MFSD6: variants seen among roughly 807,000 people sequenced by gnomAD.
The protein encoded by MFSD6 is major facilitator superfamily domain containing 6.
A neutral mutation model predicts 56.3 loss-of-function variants in MFSD6; 26 were observed. The observed-to-expected ratio is 0.46, with a 90% CI of 0.34 to 0.64. The LOEUF (loss-of-function observed/expected upper bound fraction) is 0.64, where lower values mean the gene tolerates loss of function less well. Among genes scored for constraint, MFSD6 ranks in the 30% least tolerant of loss-of-function variants. The probability of loss-of-function intolerance (pLI) is 0.01; values close to 1 mark genes in which losing one functional copy is unlikely to be tolerated. For missense variants in MFSD6, 750 were observed against 986.2 expected, an observed-to-expected ratio of 0.76 and a Z score of 3.21; for synonymous variants, 331 against 366.9, an observed-to-expected ratio of 0.90 and a Z score of 1.12.
chr2:190,470,586 C>T lies in MFSD6; in HGVS notation c.1630+731C>T, dbSNP rs147709580. ...GGACAAGATCGCTGGAGTTGAGTGA[C>T]GGTCCAGGCTACTAAATCATTAATT... is the stretch of plus-strand genomic sequence containing the variant. On this transcript the variant is annotated intron_variant, in intron 4 of 7. Coordinates refer to ENST00000392328, the MANE Select transcript of MFSD6 (RefSeq NM_017694.4). Among the ~76,000 whole-genome samples the T allele has an allele frequency of 1.3e-3, 199 of 152,312 alleles. 1 individual carries two copies. Among genetic ancestry groups the T allele is most frequent in the African/African-American group, 4.4e-3 (182 of 41,578 alleles).
At position 190,436,354 on chromosome 2, in the gene MFSD6, A is replaced by AT; in HGVS notation, c.327dup (p.Arg110SerfsTer5). 6.2e-7 allele frequency: 1 copy of AT among 1,614,210 alleles called. No homozygotes were observed. Among genetic ancestry groups the AT allele is most frequent in the Non-Finnish European group, 8.5e-7 (1 of 1,180,034 alleles). ...AAGCCAGAGTGGACTACTAGTAGGT[A>AT]TTCGTTACTTCATTGAATTCTGCAG... On this transcript the variant is annotated frameshift_variant, in exon 3 of 8. Coordinates refer to ENST00000392328, the MANE Select transcript of MFSD6 (RefSeq NM_017694.4). LOFTEE classifies it high-confidence loss of function. The surrounding 1 kb of genome is among the most constrained non-coding windows in gnomAD (Gnocchi z 5.3).
rs1469813470 is a variant in MFSD6, at chr2:190,434,288, T to C, written c.-53-1689T>C. On this transcript the variant is annotated intron_variant, in intron 2 of 7. Transcript: ENST00000392328. The surrounding 1 kb of genome is among the most constrained non-coding windows in gnomAD (Gnocchi z 4.3). ...TCTGTTCATTGGAACAACATAATTC[T>C]TGATGCACACAAGACCTTTTGACAC... is the stretch of plus-strand genomic sequence containing the variant. 6.6e-6 allele frequency among the ~76,000 whole-genome samples: 1 copy of C among 152,168 alleles called. No homozygotes were observed. Among genetic ancestry groups the C allele is most frequent in the East Asian group, 1.9e-4 (1 of 5,202 alleles).
intron 1 of MFSD6, chr2:190,411,161 G>GTTT (rs374442207): frequency 1.3e-3 from 996 of 765,442 alleles, no homozygotes; most frequent in South Asian, 1.5e-3. Context: ...GTTGACAGTA[G>GTTT]TTTTTTTTTT....
In MFSD6 at chr2:190,424,030, A is replaced by G. The variant is rs1685712213; in HGVS notation, c.-54+8617A>G. 6.6e-6 allele frequency among the ~76,000 whole-genome samples: 1 copy of G among 152,202 alleles called. No homozygotes were observed. Among genetic ancestry groups the G allele is most frequent in the Non-Finnish European group, 1.5e-5 (1 of 68,034 alleles). The stretch of plus-strand genomic sequence containing the variant: ...TGGAGAATTCTTTACATATTCTAGA[A>G]ACTAATCCTTCGCTGGATTTGTGGT... On this transcript the variant is annotated intron_variant, in intron 2 of 7. Coordinates refer to ENST00000392328, the MANE Select transcript of MFSD6 (RefSeq NM_017694.4). The surrounding 1 kb of genome is among the most constrained non-coding windows in gnomAD (Gnocchi z 5.9).
In MFSD6 at chr2:190,435,796, G is replaced by T. The variant is rs13417947; in HGVS notation, c.-53-181G>T. 1.0e-4 allele frequency: 51 copies of T among 510,606 alleles called. No individual in the cohort carries two copies. In the Admixed American group the frequency reaches 1.8e-3, roughly 18 times the overall value. 31.6% of individuals were successfully genotyped at this position (510,606 alleles called of 1,614,324 possible). ...CAGTCAGTGGCCATAAAGAGTATTC[G>T]ATTTTTTTAAAAGCTATTTTTCCTT... is the stretch of plus-strand genomic sequence containing the variant. On this transcript the variant is annotated intron_variant, in intron 2 of 7. Transcript: ENST00000392328.
At chr2:190,450,483 T>C (rs1158286288) in intron 3 of MFSD6, among the ~76,000 whole-genome samples, 2 of 106,800 alleles carry the variant, frequency 1.9e-5, no homozygotes, top group African/African-American at 3.2e-5. Context: ...CTTTTTCTCT[T>C]TTTCCTTTTT....
rs62181024 is a variant in MFSD6 at position 190,465,571 on chromosome 2, G to T, written c.1533-4187G>T. Among the ~76,000 whole-genome samples, 35,306 of 151,988 alleles carry T rather than the reference G, an allele frequency of 0.23. 5,049 individuals are homozygous for T. The highest frequency in any genetic ancestry group is 0.34 in the South Asian group (1,628 of 4,814). On this transcript the variant is annotated intron_variant, in intron 3 of 7. Coordinates refer to ENST00000392328, the MANE Select transcript of MFSD6 (RefSeq NM_017694.4). The surrounding 1 kb of genome is among the most constrained non-coding windows in gnomAD (Gnocchi z 4.6). ...ATTCAGCATAAAAAAGAATTTGATT[G>T]TCTAGAAAATGATCCAGTAAAATAT...
Position 190,437,228 on chromosome 2 carries a change from A to C in MFSD6, c.1199A>C (p.Asp400Ala). 6.2e-7 allele frequency: 1 copy of C among 1,614,264 alleles called. No individual in the cohort carries two copies. The highest frequency in any genetic ancestry group is 2.2e-5 in the East Asian group (1 of 44,892). ...CGCTACAACCATTTCAAAAACGATG[A>C]TTCTAAAGGGAAAGAGGTGGAGATC... ...RFRYNHFKND[D>A]SKGKEVEIPQ... Residue 400 changes from aspartate (D) to alanine (A), a missense_variant, in exon 3 of 8, where the codon GAT (aspartate) becomes GCT (alanine). By Grantham distance (126) the Asp-to-Ala change is moderately radical. Around this residue, in one of 5 missense-constraint regions of MFSD6, gnomAD observed 376 missense variants for 437.9 expected, o/e 0.86. Transcript: ENST00000392328. This position sits in a 1 kb window ranked among gnomAD's most constrained non-coding sequence, Gnocchi z 5.9.
intron 3 of MFSD6, among the ~76,000 whole-genome samples, chr2:190,441,816 C>T (rs4129697): frequency 0.56 from 85,529 of 151,840 alleles, 24,706 homozygotes; most frequent in Admixed American, 0.65. Context: ...ACATTCTCTC[C>T]TCTCTTTATT....
Position 190,489,625 on chromosome 2 carries a change from G to A in MFSD6, c.1793-143G>A. ...ACCCAGCCCTGTGTTTTTCCATTAT[G>A]TGGAGCTAATACCCAACTACTTTTC... On this transcript the variant is annotated intron_variant, in intron 5 of 7. Transcript: ENST00000392328. This position sits in a 1 kb window ranked among gnomAD's most constrained non-coding sequence, Gnocchi z 6.6. 2.9e-6 allele frequency: 2 copies of A among 681,856 alleles called. No individual in the cohort carries two copies. Among genetic ancestry groups the A allele is most frequent in the Non-Finnish European group, 4.9e-6 (2 of 406,334 alleles). The allele number at this position is 681,856 out of a possible 1,614,324, so 42.2% of individuals were successfully genotyped here. A position where few individuals can be genotyped will look rare whatever the true frequency, so the allele number is the denominator to read the frequency against.
intron 4 of MFSD6, among the ~76,000 whole-genome samples, chr2:190,470,244 T>C (rs1462236817): frequency 2.6e-5 from 4 of 152,240 alleles, no homozygotes; most frequent in Non-Finnish European, 4.4e-5. Context: ...AAAAGATTGT[T>C]GTCATAATTA....
intron 2 of MFSD6, among the ~76,000 whole-genome samples, chr2:190,427,484 C>T (rs978820549): frequency 6.6e-6 from 1 of 152,214 alleles, no homozygotes; most frequent in African/African-American, 2.4e-5. Context: ...CAAGCAGGCA[C>T]TTGTTAGGGC....
Position 190,437,577 on chromosome 2 carries a change from C to CA in MFSD6, c.1532+16_1532+17insA, listed in dbSNP as rs752362114. 6.2e-7 allele frequency: 1 copy of CA among 1,601,080 alleles called. No homozygotes were observed. The highest frequency in any genetic ancestry group is 8.5e-7 in the Non-Finnish European group (1 of 1,171,406). ...GCCACATCAGGTAAGAACATGCTTA[C>CA]GATTGCTGCCCCTCAGCAATTGAAC... On this transcript the variant is annotated intron_variant, in intron 3 of 7. Coordinates refer to ENST00000392328, the MANE Select transcript of MFSD6 (RefSeq NM_017694.4). The surrounding 1 kb of genome is among the most constrained non-coding windows in gnomAD (Gnocchi z 5.9).
intron 4 of MFSD6, among the ~76,000 whole-genome samples, chr2:190,481,316 G>A (rs1688652702): frequency 6.6e-6 from 1 of 152,098 alleles, no homozygotes; most frequent in Non-Finnish European, 1.5e-5. Flanking sequence ...TTTTAAGTTT[G>A]CAAGCTAGAG....
chr2:190,489,792 T>C lies in MFSD6; in HGVS notation c.1817T>C (p.Ile606Thr), dbSNP rs748342954. Residue 606 changes from isoleucine to threonine, a missense_variant, in exon 6 of 8, where the codon ATT becomes ACT. By Grantham distance (89) the Ile-to-Thr change is moderately conservative (BLOSUM62 -1). This residue lies in a region of MFSD6 where 125 missense variants were observed against 223.1 expected (regional missense o/e 0.56). Transcript: ENST00000392328. The surrounding 1 kb of genome is among the most constrained non-coding windows in gnomAD (Gnocchi z 6.6). Reference sequence around the variant, plus strand: ...GGGGCTGCTGCAACCTTCCGAGGAATTGGCATGGCCTGCTTGGTGATCCTA... The same window carrying C: ...GGGGCTGCTGCAACCTTCCGAGGAACTGGCATGGCCTGCTTGGTGATCCTA... Reference protein sequence around the residue: ...YFGAAATFRGIGMACLVILLL... With the variant: ...YFGAAATFRGTGMACLVILLL... 7.4e-6 allele frequency: 12 copies of C among 1,613,986 alleles called. No individual in the cohort carries two copies. The highest frequency in any genetic ancestry group is 2.7e-5 in the African/African-American group (2 of 74,932).
In MFSD6 at chr2:190,424,163, T is replaced by G. The variant is rs933772025; in HGVS notation, c.-54+8750T>G. ...AATGAAGTCTAACATTAGTTTTTCCTTTTATGGATCATGGTATCGGTGTCA... is the reference window on the plus strand; with the variant it reads ...AATGAAGTCTAACATTAGTTTTTCCGTTTATGGATCATGGTATCGGTGTCA... On this transcript the variant is annotated intron_variant, in intron 2 of 7. Coordinates refer to ENST00000392328, the MANE Select transcript of MFSD6 (RefSeq NM_017694.4). The surrounding 1 kb of genome is among the most constrained non-coding windows in gnomAD (Gnocchi z 5.9). Among the ~76,000 whole-genome samples the G allele has an allele frequency of 5.3e-5, 8 of 152,104 alleles. No homozygotes were observed. Among genetic ancestry groups the G allele is most frequent in the Non-Finnish European group, 1.5e-5 (1 of 68,020 alleles).
chr2:190,477,291 C>T, intron 4 of MFSD6: 1 of 984,658 alleles, frequency 1.0e-6, no homozygotes. Context: ...TTAGGATTTC[C>T]CACCTCTGGT....
rs1331734168 is a variant in MFSD6, at chr2:190,430,798, GC to G, written c.-53-5171del. 1.3e-3 allele frequency among the ~76,000 whole-genome samples: 157 copies of G among 121,278 alleles called. 2 individuals carry two copies. Among genetic ancestry groups the G allele is most frequent in the African/African-American group, 4.9e-3 (153 of 31,284 alleles). 79.6% of individuals were successfully genotyped at this position (121,278 alleles called of 152,430 possible). On this transcript the variant is annotated intron_variant, in intron 2 of 7. Transcript: ENST00000392328. The stretch of plus-strand genomic sequence containing the variant: ...AAGGGGCGGCCGGGCGGGCAGAGGC[GC>G]CCCCCCCACCTCCCTCCCGGACGGG...
intron 3 of MFSD6, among the ~76,000 whole-genome samples, chr2:190,453,332 A>C (rs113626519): frequency 3.3e-5 from 5 of 152,006 alleles, no homozygotes; most frequent in African/African-American, 1.2e-4. Context: ...GAACTTGTGG[A>C]ATTTCTATGA....
Sources: gnomAD v4.1 joint callset for allele counts (sites outside exome capture counted in the v4.1 genomes callset) on GRCh38, gnomAD v4.1.1 for gene constraint, gnomAD v4.1.1 regional missense constraint, Gnocchi (gnomAD v3.1) non-coding constraint, MANE v1.5 for transcripts, NCBI Gene and HGNC (gene_info 2026-07-23, HGNC 2026-07-21) for gene names.